The following HDAC1 variants were observed in gnomAD, a reference collection of about 807,000 sequenced individuals.
HDAC1 encodes histone deacetylase 1.
Under a neutral mutation model 65.5 loss-of-function variants are expected in HDAC1, and 18 were observed. The observed-to-expected ratio is 0.27, with a 90% CI of 0.19 to 0.41. The LOEUF is 0.41. Ranked by LOEUF, HDAC1 falls within the 10% of genes least tolerant of loss-of-function variation. The pLI, the probability that HDAC1 is intolerant of heterozygous loss-of-function variation, is 1.00. For synonymous variants in HDAC1, 211 were observed against 227.9 expected (o/e 0.93, Z 0.67); for missense variants, 373 against 625.2 (o/e 0.60, Z 4.30).
rs1485249706 is a variant in HDAC1 at position 32,330,402 on chromosome 1, TG to T, written c.730-175del. 1.6e-6 allele frequency: 1 copy of T among 612,804 alleles called. No individual in the cohort carries two copies. Among genetic ancestry groups the T allele is most frequent in the Non-Finnish European group, 2.9e-6 (1 of 341,450 alleles). The allele number at this position is 612,804 out of a possible 1,614,324, so 38.0% of individuals were successfully genotyped here. A position where few individuals can be genotyped will look rare whatever the true frequency, so the allele number is the denominator to read the frequency against. ...TAGAGAACTTTTTAAATTGGAAAAT[TG>T]AAATCCCAAGTGGGCAAGCAAGGGC... On this transcript the variant is annotated intron_variant, in intron 7 of 13. Coordinates refer to ENST00000373548, the MANE Select transcript of HDAC1 (RefSeq NM_004964.3). The surrounding 1 kb of genome is among the most constrained non-coding windows in gnomAD (Gnocchi z 4.2).
rs138286958 is a variant in HDAC1 at position 32,327,919 on chromosome 1, A to G, written c.636+242A>G. ...GACTCACTGTACTTTCCTCCTGGCC[A>G]CAGCTGGGTTGCATCACACTATTCT... On this transcript the variant is annotated intron_variant, in intron 6 of 13. Coordinates refer to ENST00000373548, the MANE Select transcript of HDAC1 (RefSeq NM_004964.3). This position sits in a 1 kb window ranked among gnomAD's most constrained non-coding sequence, Gnocchi z 6.0. Among the ~76,000 whole-genome samples the G allele has an allele frequency of 2.0e-5, 3 of 152,302 alleles. No homozygotes were observed. In the East Asian group the frequency reaches 5.8e-4, roughly 29 times the overall value.
intron 2 of HDAC1, among the ~76,000 whole-genome samples, chr1:32,307,251 TA>T (rs373818358): frequency 2.0e-5 from 3 of 150,880 alleles, no homozygotes; most frequent in African/African-American, 4.9e-5. Flanking sequence ...TTCCCAAAAA[TA>T]AAAAAAAAGA....
At chr1:32,314,520 A>G (rs1641031966) in intron 2 of HDAC1, among the ~76,000 whole-genome samples, 1 of 152,006 alleles carries the variant, frequency 6.6e-6, no homozygotes. Context: ...ATTTTTATAA[A>G]TATTTCTTAA....
intron 12 of HDAC1, 116 bp from the exon 13 acceptor site, chr1:32,332,583 TTC>T (rs1297984150): frequency 2.6e-5 from 20 of 767,494 alleles, no homozygotes; most frequent in African/African-American, 2.3e-4. Context: ...GGATGGGCTT[TTC>T]TCTCTTTATG....
At chr1:32,313,503 G>T (rs1188079428) in intron 2 of HDAC1, among the ~76,000 whole-genome samples, 2 of 152,162 alleles carry the variant, frequency 1.3e-5, no homozygotes, top group Non-Finnish European at 2.9e-5. Context: ...TCTTTAAAAG[G>T]TTGTTGTAAG....
chr1:32,323,425 C>T (rs1256830456), intron 3 of HDAC1, among the ~76,000 whole-genome samples: 2 of 152,080 alleles, frequency 1.3e-5, no homozygotes, highest in Non-Finnish European at 2.9e-5. Context: ...GACAGGGTCT[C>T]ACTCTTGTCT....
In HDAC1 at chr1:32,332,684, G is replaced by A; in HGVS notation, c.1373-17G>A. The A allele has an allele frequency of 6.4e-7, 1 of 1,551,632 alleles. No homozygotes were observed. Among genetic ancestry groups the A allele is most frequent in the Non-Finnish European group, 8.7e-7 (1 of 1,146,280 alleles). ...AGAGGTGCTGCCCTTGGCCATCCCTGTACTCTTGTGTTCTAGAAGTCACCG... is the reference window on the plus strand; with the variant it reads ...AGAGGTGCTGCCCTTGGCCATCCCTATACTCTTGTGTTCTAGAAGTCACCG... On this transcript the variant is annotated splice_polypyrimidine_tract_variant and intron_variant, in intron 12 of 13. Transcript: ENST00000373548.
rs549315557 is a variant in HDAC1 at position 32,320,857 on chromosome 1, G to A, written c.281-3622G>A. Among the ~76,000 whole-genome samples the A allele has an allele frequency of 2.6e-4, 32 of 122,280 alleles. No individual in the cohort carries two copies. In the Admixed American group the frequency reaches 3.1e-3, roughly 12 times the overall value. 80.2% of individuals were successfully genotyped at this position (122,280 alleles called of 152,430 possible). A position where few individuals can be genotyped will look rare whatever the true frequency, so the allele number is the denominator to read the frequency against. ...AGAGGTTGCAGTGAGCCAAGATCGC[G>A]CCACTGCACTCCAGCCTGGGCGACA... is the stretch of plus-strand genomic sequence containing the variant. On this transcript the variant is annotated intron_variant, in intron 3 of 13. Transcript: ENST00000373548.
Position 32,333,077 on chromosome 1 carries a change from T to C in HDAC1, c.*33T>C. 4 of 1,591,236 alleles carry C rather than the reference T, an allele frequency of 2.5e-6. No individual in the cohort carries two copies. Among genetic ancestry groups the C allele is most frequent in the African/African-American group, 2.7e-5 (2 of 74,506 alleles). On this transcript the variant is annotated 3_prime_UTR_variant, in exon 14 of 14. Transcript: ENST00000373548. Reference sequence around the variant, plus strand: ...TCTCCAGCTCTGGCTTCCTGCTGAGTCCCTCACGTTTCTTCCCCAACCCCT... The same window carrying C: ...TCTCCAGCTCTGGCTTCCTGCTGAGCCCCTCACGTTTCTTCCCCAACCCCT...
Position 32,292,150 on chromosome 1 carries a change from A to T in HDAC1, c.-20A>T, listed in dbSNP as rs1266014391. On this transcript the variant is annotated 5_prime_UTR_variant, in exon 1 of 14. Transcript: ENST00000373548. ...GAGGGCGGACGGACCGACTGACGGTAGGGACGGGAGGCGAGCAAGATGGCG... is the reference window on the plus strand; with the variant it reads ...GAGGGCGGACGGACCGACTGACGGTTGGGACGGGAGGCGAGCAAGATGGCG... 6.5e-7 allele frequency: 1 copy of T among 1,547,088 alleles called. No individual in the cohort carries two copies. Among genetic ancestry groups the T allele is most frequent in the African/African-American group, 1.4e-5 (1 of 72,890 alleles).
chr1:32,293,320 T>TAAAA (rs551512691), intron 1 of HDAC1, among the ~76,000 whole-genome samples: 2 of 121,630 alleles, frequency 1.6e-5, no homozygotes, highest in East Asian at 2.3e-4. Flanking sequence ...GGCTCTGTCT[T>TAAAA]AAAAAAAAAA....
In HDAC1 at chr1:32,313,291, C is replaced by T. The variant is rs140576399; in HGVS notation, c.163-3374C>T. Among the ~76,000 whole-genome samples the T allele has an allele frequency of 6.5e-3, 993 of 151,960 alleles. 7 individuals are homozygous for T. Among genetic ancestry groups the T allele is most frequent in the African/African-American group, 0.023 (941 of 41,426 alleles). On this transcript the variant is annotated intron_variant, in intron 2 of 13. Transcript: ENST00000373548. ...TGTATTTTTATTGGAGATGGGGTTT[C>T]GCTGTGTTGGCCAGGGTGGTCTTGA...
intron 2 of HDAC1, among the ~76,000 whole-genome samples, chr1:32,309,935 A>C (rs1640967944): frequency 1.3e-5 from 2 of 152,272 alleles, no homozygotes; most frequent in Non-Finnish European, 2.9e-5. Context: ...AAAGGCCTAA[A>C]TGTGAGAGAG....
chr1:32,302,285 G>T (rs1230636165), intron 1 of HDAC1, among the ~76,000 whole-genome samples: 1 of 152,074 alleles, frequency 6.6e-6, no homozygotes, highest in East Asian at 1.9e-4. Context: ...TTATTTTTCT[G>T]TTGTGGGAGG....
chr1:32,314,539 A>C (rs1417677528), intron 2 of HDAC1, among the ~76,000 whole-genome samples: 1 of 151,976 alleles, frequency 6.6e-6, no homozygotes, highest in African/African-American at 2.4e-5. Flanking sequence ...AAATATAGAG[A>C]TATTTCGCCG....
At chr1:32,316,150 G>A (rs1419119127) in intron 2 of HDAC1, among the ~76,000 whole-genome samples, 1 of 152,048 alleles carries the variant, frequency 6.6e-6, no homozygotes, top group Non-Finnish European at 1.5e-5. Context: ...CGGGCGTGGT[G>A]GTGGGCGTCT....
intron 4 of HDAC1, among the ~76,000 whole-genome samples, chr1:32,326,686 T>A (rs1641222641): frequency 6.6e-6 from 1 of 151,498 alleles, no homozygotes; most frequent in Non-Finnish European, 1.5e-5. Flanking sequence ...CACACACTAA[T>A]CATGATGTAC....
chr1:32,312,525 A>C (rs1238701100), intron 2 of HDAC1, among the ~76,000 whole-genome samples: 1 of 151,392 alleles, frequency 6.6e-6, no homozygotes, highest in Non-Finnish European at 1.5e-5. Context: ...ACACTCAGCT[A>C]ATTTTTTATA....
Position 32,333,144 on chromosome 1 carries a change from A to T in HDAC1, c.*100A>T, listed in dbSNP as rs1641322099. ...TATTTCTCTGTGTATTTATATAAAA[A>T]TTTATTAAATATAAATATCCCCAGG... On this transcript the variant is annotated 3_prime_UTR_variant, in exon 14 of 14. Coordinates refer to ENST00000373548, the MANE Select transcript of HDAC1 (RefSeq NM_004964.3). 5.1e-6 allele frequency: 5 copies of T among 979,308 alleles called. No homozygotes were observed. Among genetic ancestry groups the T allele is most frequent in the Non-Finnish European group, 7.5e-6 (5 of 664,748 alleles). 60.7% of individuals were successfully genotyped at this position (979,308 alleles called of 1,614,324 possible).
Sources: gnomAD v4.1 joint callset for allele counts (sites outside exome capture counted in the v4.1 genomes callset) on GRCh38, gnomAD v4.1.1 for gene constraint, Gnocchi (gnomAD v3.1) non-coding constraint, MANE v1.5 for transcripts, NCBI Gene and HGNC (gene_info 2026-07-23, HGNC 2026-07-21) for gene names.